The following PCDH11X variants were observed in gnomAD, a reference collection of about 807,000 sequenced individuals.
PCDH11X encodes protocadherin-11 X-linked.
A neutral mutation model predicts 53.3 loss-of-function variants in PCDH11X; 18 were observed. The observed-to-expected ratio is 0.34, with a 90% CI of 0.23 to 0.50. The LOEUF is 0.50. Ranked by LOEUF, PCDH11X falls within the 20% of genes least tolerant of loss-of-function variation. PCDH11X has a pLI of 0.98. For missense variants in PCDH11X, 570 were observed against 1,032.4 expected (o/e 0.55, Z 6.14); for synonymous variants, 279 against 393.3 (o/e 0.71, Z 3.44).
intron 7 of PCDH11X, among the ~76,000 whole-genome samples, chrX:92,237,083 C>G (rs1207370041): frequency 9.0e-6 from 1 of 111,304 alleles, no homozygotes; most frequent in Non-Finnish European, 1.9e-5. Flanking sequence ...GGAGTCTGTG[C>G]AGGAGAATTC....
chrX:91,907,265 A>G lies in PCDH11X; in HGVS notation c.3033+27992A>G, dbSNP rs371264280. ...TTGATCTTCAGATAGAGATAAGGTG[A>G]ATATGGTATTTATTTTTTATTTGCT... On this transcript the variant is annotated intron_variant, in intron 6 of 10. Coordinates refer to ENST00000682573, the MANE Select transcript of PCDH11X (RefSeq NM_032968.5). Among the ~76,000 whole-genome samples the G allele has an allele frequency of 5.9e-5, 6 of 102,559 alleles. No individual in the cohort carries two copies. In the South Asian group the frequency reaches 2.9e-3, roughly 49 times the overall value. The allele number at this position is 102,559 out of a possible 115,157, so 89.1% of individuals were successfully genotyped here. A position where few individuals can be genotyped will look rare whatever the true frequency, so the allele number is the denominator to read the frequency against.
At chrX:92,204,391 A>T (rs1009964114) in intron 7 of PCDH11X, among the ~76,000 whole-genome samples, 2 of 111,854 alleles carry the variant, frequency 1.8e-5, no homozygotes, top group African/African-American at 3.2e-5. Flanking sequence ...CATCTCTCTG[A>T]AGTTCAAAGT....
At chrX:92,128,824 A>G (rs1293307183) in intron 6 of PCDH11X, among the ~76,000 whole-genome samples, 1 of 110,918 alleles carries the variant, frequency 9.0e-6, no homozygotes, top group Non-Finnish European at 1.9e-5. Context: ...TTCTATTACA[A>G]TAATTTCCTA....
chrX:91,833,072 G>A (rs1305990501), intron 4 of PCDH11X, among the ~76,000 whole-genome samples: 50 of 99,557 alleles, frequency 5.0e-4, no homozygotes, highest in Middle Eastern at 9.7e-3. Context: ...TCATCATTTA[G>A]CTCCCACTTA....
chrX:92,507,325 T>C (rs1167435436), intron 10 of PCDH11X, among the ~76,000 whole-genome samples: 1 of 111,117 alleles, frequency 9.0e-6, no homozygotes, highest in East Asian at 2.8e-4. Context: ...TGTTGCTAAT[T>C]TGAGCTGTTT....
intron 10 of PCDH11X, among the ~76,000 whole-genome samples, chrX:92,617,429 C>T (rs995188010): frequency 9.0e-6 from 1 of 111,580 alleles, no homozygotes; most frequent in Admixed American, 9.5e-5. Flanking sequence ...GGTGCATACA[C>T]ACAGGATTGA....
intron 7 of PCDH11X, among the ~76,000 whole-genome samples, chrX:92,214,814 C>T (rs1021156451): frequency 6.3e-5 from 7 of 111,312 alleles, no homozygotes; most frequent in East Asian, 2.8e-4. Context: ...TTTGGGAAGC[C>T]GTGGCAGGTG....
chrX:92,356,371 T>C (rs2070206219), intron 8 of PCDH11X, among the ~76,000 whole-genome samples: 1 of 101,528 alleles, frequency 9.8e-6, no homozygotes, highest in Non-Finnish European at 2.0e-5. Context: ...CTATATGTCA[T>C]ATAAATTCTA....
At position 92,483,992 on chromosome X, in the gene PCDH11X, C is replaced by T. The variant is rs191152163; in HGVS notation, c.3367+15670C>T. On this transcript the variant is annotated intron_variant, in intron 10 of 10. Transcript: ENST00000682573. ...AAAGTCATTATATGAAAAGGATACT[C>T]GCACAGGCATGTTTATAGCAGCACA... Among the ~76,000 whole-genome samples the T allele has an allele frequency of 9.7e-3, 1,033 of 106,970 alleles. 14 individuals carry two copies. Among genetic ancestry groups the T allele is most frequent in the African/African-American group, 0.033 (983 of 29,458 alleles). 92.9% of individuals were successfully genotyped at this position (106,970 alleles called of 115,157 possible).
intron 8 of PCDH11X, among the ~76,000 whole-genome samples, chrX:92,322,792 G>T (rs1255470228): frequency 9.0e-6 from 1 of 111,543 alleles, no homozygotes; most frequent in African/African-American, 3.3e-5. Context: ...GAGGAAAATA[G>T]CTTGAAAGCA....
chrX:92,079,153 C>T (rs1221710190), intron 6 of PCDH11X, among the ~76,000 whole-genome samples: 1 of 111,531 alleles, frequency 9.0e-6, no homozygotes, highest in African/African-American at 3.3e-5. Context: ...GGGATAAAAT[C>T]AGTGTCAGCA....
chrX:91,952,696 T>A (rs1178346375), intron 6 of PCDH11X, among the ~76,000 whole-genome samples: 1 of 111,699 alleles, frequency 9.0e-6, no homozygotes, highest in African/African-American at 3.3e-5. Context: ...GGGCATATAC[T>A]GAAAAGAAAA....
chrX:92,192,572 C>T lies in PCDH11X; in HGVS notation c.3034-8803C>T, dbSNP rs183183398. ...CCATGTTGGCTAGGATGGTCTTGAT[C>T]TCTTGACCTCATGATCCGCCCACCT... is the stretch of plus-strand genomic sequence containing the variant. On this transcript the variant is annotated intron_variant, in intron 6 of 10. Coordinates refer to ENST00000682573, the MANE Select transcript of PCDH11X (RefSeq NM_032968.5). Among the ~76,000 whole-genome samples the T allele has an allele frequency of 4.3e-4, 47 of 110,426 alleles. No individual in the cohort carries two copies. The East Asian group carries it at 0.013, about 30-fold the overall frequency.
chrX:91,901,825 C>T (rs1392056170), intron 6 of PCDH11X, among the ~76,000 whole-genome samples: 1 of 111,633 alleles, frequency 9.0e-6, no homozygotes, highest in Non-Finnish European at 1.9e-5. Flanking sequence ...GCCAGGCATA[C>T]ATTCATGAAA....
Position 92,170,594 on chromosome X carries a change from T to A in PCDH11X, c.3034-30781T>A, listed in dbSNP as rs771385324. On this transcript the variant is annotated intron_variant, in intron 6 of 10. Transcript: ENST00000682573. ...TCACTCAAAAACTTAATTTCTATTT[T>A]TTTAAAATCTTTTTAATTTTAGAGA... Among the ~76,000 whole-genome samples the A allele has an allele frequency of 1.2e-4, 13 of 109,379 alleles. No individual in the cohort carries two copies. In the South Asian group the frequency reaches 5.2e-3, roughly 44 times the overall value. 95.0% of individuals were successfully genotyped at this position (109,379 alleles called of 115,157 possible).
intron 7 of PCDH11X, among the ~76,000 whole-genome samples, chrX:92,237,448 ACATTTC>A (rs1467946432): frequency 2.7e-5 from 3 of 110,968 alleles, no homozygotes; most frequent in Non-Finnish European, 5.7e-5. Context: ...TGGGACAGTA[ACATTTC>A]CAAATACAGA....
At chrX:92,222,973 G>T (rs1223793736) in intron 7 of PCDH11X, among the ~76,000 whole-genome samples, 4 of 111,748 alleles carry the variant, frequency 3.6e-5, no homozygotes, top group Non-Finnish European at 7.5e-5. Flanking sequence ...CTTGTCACTG[G>T]TTAATTTTGT....
At chrX:92,086,041 AT>A (rs1569346487) in intron 6 of PCDH11X, among the ~76,000 whole-genome samples, 1 of 111,963 alleles carries the variant, frequency 8.9e-6, no homozygotes, top group Non-Finnish European at 1.9e-5. Flanking sequence ...TTTTAGGCAT[AT>A]TGGATTAAAT....
intron 7 of PCDH11X, among the ~76,000 whole-genome samples, chrX:92,261,986 G>A (rs62598532): frequency 0.12 from 13,357 of 111,102 alleles, 1,228 homozygotes; most frequent in African/African-American, 0.31. Context: ...AACACTCGAA[G>A]TGGAAGGACA....
Sources: allele counts gnomAD v4.1 joint callset (sites outside exome capture counted in the v4.1 genomes callset), GRCh38; gene constraint gnomAD v4.1.1; transcripts MANE v1.5; gene names NCBI Gene and HGNC (gene_info 2026-07-23, HGNC 2026-07-21).